Variants in NRXN1 observed in about 807,000 individuals in gnomAD.
NRXN1 encodes the protein neurexin-1.
NRXN1 carries 39 observed loss-of-function variants against 150.9 expected under a neutral mutation model. The ratio of observed to expected loss-of-function variants is 0.26; its 90% confidence interval spans 0.20 to 0.34. The LOEUF (loss-of-function observed/expected upper bound fraction) is 0.34. Among genes scored for constraint, NRXN1 ranks in the 10% least tolerant of loss-of-function variants. NRXN1 has a pLI of 1.00. For missense variants in NRXN1, 1,815 were observed against 1,949.9 expected (o/e 0.93, Z 1.30); for synonymous variants, 924 against 757.0 (o/e 1.22, Z -3.62).
chr2:50,080,107 G>A (rs2351155), intron 19 of NRXN1, among the ~76,000 whole-genome samples: 58,726 of 151,736 alleles, frequency 0.39, 11,722 homozygotes, highest in Middle Eastern at 0.43. Flanking sequence ...GTGTATCCAC[G>A]TTATATAGTC....
chr2:50,138,633 C>G (rs987086226), intron 18 of NRXN1, among the ~76,000 whole-genome samples: 18 of 152,226 alleles, frequency 1.2e-4, no homozygotes, highest in African/African-American at 4.1e-4. Flanking sequence ...TTCCCCTTCT[C>G]ACATCTATTA....
At chr2:50,970,307 A>G (rs1454116323) in intron 2 of NRXN1, among the ~76,000 whole-genome samples, 1 of 152,084 alleles carries the variant, frequency 6.6e-6, no homozygotes, top group Non-Finnish European at 1.5e-5. Context: ...GGTCAGAGAA[A>G]AACTTTAGCT....
intron 17 of NRXN1, among the ~76,000 whole-genome samples, chr2:50,286,598 G>A (rs917898630): frequency 6.6e-6 from 1 of 152,052 alleles, no homozygotes; most frequent in Admixed American, 6.6e-5. Flanking sequence ...ACATCTTAAT[G>A]TGCCACAGAT....
intron 8 of NRXN1, among the ~76,000 whole-genome samples, chr2:50,594,874 G>T (rs1674888525): frequency 6.6e-6 from 1 of 151,892 alleles, no homozygotes; most frequent in African/African-American, 2.4e-5. Context: ...ACTGCTCAGG[G>T]CTAATCACTC....
At chr2:50,206,107 C>G (rs1574487552) in intron 18 of NRXN1, among the ~76,000 whole-genome samples, 1 of 151,924 alleles carries the variant, frequency 6.6e-6, no homozygotes, top group East Asian at 1.9e-4. Context: ...AGTTCACCAC[C>G]ACCTCCCAAA....
At chr2:50,182,127 C>G (rs1229784328) in intron 18 of NRXN1, among the ~76,000 whole-genome samples, 1 of 64,242 alleles carries the variant, frequency 1.6e-5, no homozygotes. Context: ...TTTTTTTTTA[C>G]TTTTAGATTT....
At chr2:50,177,363 G>A (rs1461441243) in intron 18 of NRXN1, among the ~76,000 whole-genome samples, 2 of 151,782 alleles carry the variant, frequency 1.3e-5, no homozygotes, top group Non-Finnish European at 2.9e-5. Context: ...TTACACCAAA[G>A]GAAAAATGAA....
chr2:50,578,911 C>A (rs1056422625), intron 8 of NRXN1, among the ~76,000 whole-genome samples: 1 of 152,104 alleles, frequency 6.6e-6, no homozygotes, highest in African/African-American at 2.4e-5. Context: ...CCTCCCCCTA[C>A]AACTTGCTCT....
intron 8 of NRXN1, among the ~76,000 whole-genome samples, chr2:50,579,964 G>C (rs1672008096): frequency 6.6e-6 from 1 of 152,166 alleles, no homozygotes; most frequent in Non-Finnish European, 1.5e-5. Context: ...AAGCAGCAAG[G>C]AGATTTTTCT....
At chr2:50,202,558 G>T (rs1205839033) in intron 18 of NRXN1, among the ~76,000 whole-genome samples, 1 of 152,008 alleles carries the variant, frequency 6.6e-6, no homozygotes, top group Non-Finnish European at 1.5e-5. Flanking sequence ...GAGCAGTAAT[G>T]ATAAATTTGA....
At chr2:50,466,627 C>G (rs1573092779) in intron 16 of NRXN1, 1 of 361,640 alleles carries the variant, frequency 2.8e-6, no homozygotes, top group Non-Finnish European at 5.4e-6. Flanking sequence ...GTAGAGCAAA[C>G]AAATTAATAC....
At chr2:50,012,121 A>G (rs1315297248) in intron 21 of NRXN1, among the ~76,000 whole-genome samples, 21 of 152,138 alleles carry the variant, frequency 1.4e-4, no homozygotes, top group South Asian at 4.1e-4. Flanking sequence ...GGTAACAACA[A>G]TAATGGTTCA....
intron 18 of NRXN1, among the ~76,000 whole-genome samples, chr2:50,123,838 T>C (rs1401763143): frequency 5.3e-5 from 8 of 152,294 alleles, no homozygotes; most frequent in Middle Eastern, 3.4e-3. Flanking sequence ...TCCCTTCAGA[T>C]GGATATTGTG....
intron 18 of NRXN1, among the ~76,000 whole-genome samples, chr2:50,117,720 A>C (rs1703254529): frequency 6.6e-6 from 1 of 151,972 alleles, no homozygotes; most frequent in Admixed American, 6.6e-5. Context: ...GAAGAGTTTC[A>C]ATGAGTACTT....
At chr2:50,264,043 C>T (rs1011049896) in intron 17 of NRXN1, among the ~76,000 whole-genome samples, 1 of 152,164 alleles carries the variant, frequency 6.6e-6, no homozygotes, top group South Asian at 2.1e-4. Context: ...TTTCAACCTG[C>T]TATATTTCTT....
At chr2:50,849,275 G>A (rs919546458) in intron 5 of NRXN1, among the ~76,000 whole-genome samples, 1 of 152,188 alleles carries the variant, frequency 6.6e-6, no homozygotes, top group Non-Finnish European at 1.5e-5. Flanking sequence ...CCTTTTCTAA[G>A]AGGATTTACT....
chr2:50,368,806 T>A (rs559165953), intron 17 of NRXN1, among the ~76,000 whole-genome samples: 2 of 152,148 alleles, frequency 1.3e-5, no homozygotes, highest in Admixed American at 1.3e-4. Context: ...ATACTCAACA[T>A]ACATGAAGTG....
intron 21 of NRXN1, among the ~76,000 whole-genome samples, chr2:50,051,227 C>G (rs1291567268): frequency 4.0e-5 from 6 of 151,868 alleles, no homozygotes; most frequent in Admixed American, 3.9e-4. Context: ...TCAAATGAAA[C>G]AGCTGTTTTG....
At chr2:50,397,127 C>T (rs1190348297) in intron 17 of NRXN1, among the ~76,000 whole-genome samples, 1 of 152,120 alleles carries the variant, frequency 6.6e-6, no homozygotes, top group African/African-American at 2.4e-5. Flanking sequence ...TATCAGGTCA[C>T]TGGGCCTACT....
Sources: gnomAD v4.1 joint callset for allele counts (sites outside exome capture counted in the v4.1 genomes callset) on GRCh38, gnomAD v4.1.1 for gene constraint, MANE v1.5 for transcripts, NCBI Gene and HGNC (gene_info 2026-07-23, HGNC 2026-07-21) for gene names.